Variants in BRINP1 observed in about 807,000 individuals in gnomAD.
The protein encoded by BRINP1 is BMP/retinoic acid inducible neural specific 1.
BRINP1 carries 17 observed loss-of-function variants against 72.9 expected under a neutral mutation model. That is an observed-to-expected ratio of 0.23 (90% CI 0.16 to 0.35). BRINP1 has a LOEUF of 0.35. Among genes scored for constraint, BRINP1 ranks in the 10% least tolerant of loss-of-function variants. The pLI, the probability that BRINP1 is intolerant of heterozygous loss-of-function variation, is 1.00. For missense variants in BRINP1, 850 were observed against 1,001.6 expected, an observed-to-expected ratio of 0.85 and a Z score of 2.04; for synonymous variants, 418 against 378.5, an observed-to-expected ratio of 1.10 and a Z score of -1.21.
At chr9:119,190,528 A>G (rs767597182) in intron 7 of BRINP1, among the ~76,000 whole-genome samples, 5 of 151,992 alleles carry the variant, frequency 3.3e-5, no homozygotes, top group Non-Finnish European at 7.4e-5. Flanking sequence ...GAACAATTAT[A>G]TGCCAACAAA....
At chr9:119,238,506 C>T (rs143316283) in intron 5 of BRINP1, 149 bp downstream of exon 5, 1 of 556,062 alleles carries the variant, frequency 1.8e-6, no homozygotes, top group East Asian at 3.1e-5. Flanking sequence ...TCATAACTGT[C>T]TAATTTCCAT....
intron 7 of BRINP1, among the ~76,000 whole-genome samples, chr9:119,170,600 G>A (rs1829394130): frequency 6.6e-6 from 1 of 151,188 alleles, no homozygotes; most frequent in East Asian, 1.9e-4. Flanking sequence ...AGCAAGGCAG[G>A]CCAACGTTCA....
chr9:119,297,980 T>C (rs1453374860), intron 2 of BRINP1, among the ~76,000 whole-genome samples: 2 of 152,252 alleles, frequency 1.3e-5, no homozygotes, highest in African/African-American at 2.4e-5. Flanking sequence ...CAAAAGAATA[T>C]TGAACTCATT....
chr9:119,238,643 C>T lies in BRINP1; in HGVS notation c.685+12G>A. The T allele has an allele frequency of 6.3e-7, 1 of 1,578,808 alleles. No individual in the cohort carries two copies. The highest frequency in any genetic ancestry group is 8.7e-7 in the Non-Finnish European group (1 of 1,155,890). The stretch of plus-strand genomic sequence containing the variant: ...CCCCCAACTGACCCCACTTTTTCCA[C>T]TGGCTTCCTACCTTGAAGGTGCAGT... On this transcript the variant is annotated intron_variant, in intron 5 of 7. Coordinates refer to ENST00000265922, the MANE Select transcript of BRINP1 (RefSeq NM_014618.3).
intron 1 of BRINP1, among the ~76,000 whole-genome samples, chr9:119,360,769 G>A (rs1041664319): frequency 6.6e-6 from 1 of 152,106 alleles, no homozygotes; most frequent in African/African-American, 2.4e-5. Flanking sequence ...TAGGACCTTT[G>A]CAAGGCTAGA....
At chr9:119,209,960 G>A (rs983492045) in intron 6 of BRINP1, among the ~76,000 whole-genome samples, 4 of 152,184 alleles carry the variant, frequency 2.6e-5, no homozygotes, top group Non-Finnish European at 5.9e-5. Flanking sequence ...CAAACTCTTG[G>A]GCCTCCCAGG....
intron 2 of BRINP1, among the ~76,000 whole-genome samples, chr9:119,312,313 C>G (rs553893003): frequency 6.6e-6 from 1 of 152,146 alleles, no homozygotes; most frequent in Non-Finnish European, 1.5e-5. Context: ...TTTATGATAA[C>G]AAGGCAGAGC....
chr9:119,290,968 C>T (rs1384586409), intron 2 of BRINP1, among the ~76,000 whole-genome samples: 1 of 151,938 alleles, frequency 6.6e-6, no homozygotes, highest in East Asian at 1.9e-4. Flanking sequence ...ACCAAAAATA[C>T]AAAAATTAGC....
chr9:119,310,960 T>G (rs1222631626), intron 2 of BRINP1, among the ~76,000 whole-genome samples: 12 of 152,166 alleles, frequency 7.9e-5, no homozygotes, highest in Non-Finnish European at 1.5e-5. Flanking sequence ...TGCATATGGG[T>G]TCATATGCAC....
rs1450484586 is a variant in BRINP1 at position 119,214,234 on chromosome 9, T to C, written c.686-79A>G. On this transcript the variant is annotated intron_variant, in intron 5 of 7. Coordinates refer to ENST00000265922, the MANE Select transcript of BRINP1 (RefSeq NM_014618.3). ...ATTAACAATTTCCAAAGGTGATACA[T>C]AGGAATCTGAAGCTGCTACATTTCT... 3.8e-6 allele frequency: 4 copies of C among 1,053,440 alleles called. No individual in the cohort carries two copies. In the African/African-American group the frequency reaches 6.3e-5, roughly 17 times the overall value. The allele number at this position is 1,053,440 out of a possible 1,614,324, so 65.3% of individuals were successfully genotyped here.
chr9:119,289,118 A>C (rs1830798080), intron 2 of BRINP1, among the ~76,000 whole-genome samples: 1 of 152,198 alleles, frequency 6.6e-6, no homozygotes, highest in Non-Finnish European at 1.5e-5. Context: ...CCAATTCTTG[A>C]AGTCTGAGAA....
At chr9:119,229,690 G>T (rs1268673872) in intron 5 of BRINP1, among the ~76,000 whole-genome samples, 1 of 152,238 alleles carries the variant, frequency 6.6e-6, no homozygotes, top group African/African-American at 2.4e-5. Flanking sequence ...CCCTTTTGAA[G>T]AATGCTGTGC....
chr9:119,208,978 C>CA (rs759712290), intron 6 of BRINP1, 37 bp from the exon 7 acceptor site: 1 of 1,539,102 alleles, frequency 6.5e-7, no homozygotes, highest in Non-Finnish European at 9.0e-7. Context: ...AAGGGCTAAG[C>CA]ATGATAACAC....
chr9:119,289,886 TC>T (rs1471921222), intron 2 of BRINP1, among the ~76,000 whole-genome samples: 1 of 152,186 alleles, frequency 6.6e-6, no homozygotes, highest in Non-Finnish European at 1.5e-5. Flanking sequence ...TGCACGACAG[TC>T]CCTAGTCCGA....
At chr9:119,253,203 G>C (rs1247987122) in intron 2 of BRINP1, among the ~76,000 whole-genome samples, 1 of 152,112 alleles carries the variant, frequency 6.6e-6, no homozygotes, top group Non-Finnish European at 1.5e-5. Context: ...GTACAATATG[G>C]AGGTTCCTCA....
intron 5 of BRINP1, among the ~76,000 whole-genome samples, chr9:119,231,025 C>G (rs1830144645): frequency 6.6e-6 from 1 of 152,040 alleles, no homozygotes; most frequent in Non-Finnish European, 1.5e-5. Flanking sequence ...GACATTGAAT[C>G]TACAAATCTA....
chr9:119,170,169 G>A (rs1387812733), intron 7 of BRINP1, among the ~76,000 whole-genome samples: 1 of 152,132 alleles, frequency 6.6e-6, no homozygotes, highest in Admixed American at 6.5e-5. Context: ...GGCTTCAGAC[G>A]ATCAAATTAC....
intron 2 of BRINP1, among the ~76,000 whole-genome samples, chr9:119,267,636 C>CAATAAATAAATAAATAAATAAATA (rs139819911): frequency 6.9e-6 from 1 of 145,060 alleles, no homozygotes; most frequent in Non-Finnish European, 1.5e-5. Flanking sequence ...AACTCCATCT[C>CAATAAATAAATAAATAAATAAATA]AATAAATAAA....
In BRINP1 at chr9:119,198,277, C is replaced by A. The variant is rs1421729928; in HGVS notation, c.1145+10442G>T. Among the ~76,000 whole-genome samples, 10 of 152,162 alleles carry A rather than the reference C, an allele frequency of 6.6e-5. No homozygotes were observed. The East Asian group carries it at 1.9e-3, about 29-fold the overall frequency. ...TCAATTACCCAACAAACTATTGGTT[C>A]CAATTTCGTCCAACAAAGAGCCCCA... On this transcript the variant is annotated intron_variant, in intron 7 of 7. Coordinates refer to ENST00000265922, the MANE Select transcript of BRINP1 (RefSeq NM_014618.3).
Sources: allele counts gnomAD v4.1 joint callset (sites outside exome capture counted in the v4.1 genomes callset), GRCh38; gene constraint gnomAD v4.1.1; transcripts MANE v1.5; gene names NCBI Gene and HGNC (gene_info 2026-07-23, HGNC 2026-07-21).